Variants in GRIA4 observed in about 807,000 individuals in gnomAD.
GRIA4 encodes glutamate receptor 4.
A neutral mutation model predicts 104.0 loss-of-function variants in GRIA4; 34 were observed. The observed-to-expected ratio is 0.33, with a 90% CI of 0.25 to 0.44. GRIA4 has a LOEUF of 0.44. Ranked by LOEUF, GRIA4 falls within the 20% of genes least tolerant of loss-of-function variation. The pLI, the probability that GRIA4 is intolerant of heterozygous loss-of-function variation, is 1.00. For missense variants in GRIA4, 750 were observed against 1,096.5 expected (o/e 0.68, Z 4.46); for synonymous variants, 386 against 381.9 (o/e 1.01, Z -0.13).
intron 3 of GRIA4, among the ~76,000 whole-genome samples, chr11:105,714,196 T>C (rs1331909248): frequency 6.6e-6 from 1 of 152,072 alleles, no homozygotes; most frequent in African/African-American, 2.4e-5. Flanking sequence ...GACTGTTTAG[T>C]AATTTTTAAA....
rs114779299 is a variant in GRIA4, at chr11:105,738,800, G to A, written c.248-14181G>A. Among the ~76,000 whole-genome samples the A allele has an allele frequency of 5.6e-3, 850 of 151,482 alleles. 8 individuals carry two copies. Among genetic ancestry groups the A allele is most frequent in the African/African-American group, 0.013 (544 of 41,338 alleles). ...ACAAAATATAGATGATGAATCAAAC[G>A]TTTCCATTAAAGGATCACTTAAAGG... On this transcript the variant is annotated intron_variant, in intron 3 of 16. Coordinates refer to ENST00000282499, the MANE Select transcript of GRIA4 (RefSeq NM_000829.4).
At position 105,794,194 on chromosome 11, in the gene GRIA4, T is replaced by C. The variant is rs114220311; in HGVS notation, c.487+40974T>C. Among the ~76,000 whole-genome samples the C allele has an allele frequency of 3.3e-3, 504 of 151,908 alleles. 4 individuals carry two copies. Among genetic ancestry groups the C allele is most frequent in the African/African-American group, 0.011 (475 of 41,454 alleles). ...ATTAATTCCAAATTCCAATGGCCGATTAAAAACTATCTTATTCGGTGTTTG... is the reference window on the plus strand; with the variant it reads ...ATTAATTCCAAATTCCAATGGCCGACTAAAAACTATCTTATTCGGTGTTTG... On this transcript the variant is annotated intron_variant, in intron 4 of 16. Coordinates refer to ENST00000282499, the MANE Select transcript of GRIA4 (RefSeq NM_000829.4).
chr11:105,834,675 T>C (rs1944108408), intron 4 of GRIA4, among the ~76,000 whole-genome samples: 1 of 151,966 alleles, frequency 6.6e-6, no homozygotes, highest in South Asian at 2.1e-4. Flanking sequence ...TTAAAGAAGG[T>C]TTCAGATGTA....
At chr11:105,939,134 A>C (rs569103888) in intron 14 of GRIA4, among the ~76,000 whole-genome samples, 1 of 152,300 alleles carries the variant, frequency 6.6e-6, no homozygotes, top group Non-Finnish European at 1.5e-5. Flanking sequence ...ATTTGCCCTC[A>C]ATCTTTTGAC....
intron 14 of GRIA4, among the ~76,000 whole-genome samples, chr11:105,953,813 A>G (rs1484878991): frequency 6.6e-6 from 1 of 152,104 alleles, no homozygotes; most frequent in Non-Finnish European, 1.5e-5. Context: ...CTACAAACAA[A>G]TAAAAAAAAA....
intron 3 of GRIA4, among the ~76,000 whole-genome samples, chr11:105,675,848 C>T (rs1591544157): frequency 2.6e-5 from 4 of 151,760 alleles, no homozygotes; most frequent in Admixed American, 6.6e-5. Context: ...TATACTACTT[C>T]AGTTATTCAG....
intron 3 of GRIA4, among the ~76,000 whole-genome samples, chr11:105,660,722 C>T (rs1396492126): frequency 6.6e-6 from 1 of 151,142 alleles, no homozygotes; most frequent in African/African-American, 2.4e-5. Flanking sequence ...TGGGGGGAAT[C>T]GACTATTATG....
chr11:105,685,325 C>T (rs369931040), intron 3 of GRIA4, among the ~76,000 whole-genome samples: 2 of 152,148 alleles, frequency 1.3e-5, no homozygotes, highest in Admixed American at 6.5e-5. Flanking sequence ...ATTACCAGCC[C>T]GAGCTCTAAT....
chr11:105,769,836 A>G (rs1186585730), intron 4 of GRIA4, among the ~76,000 whole-genome samples: 1 of 152,092 alleles, frequency 6.6e-6, no homozygotes, highest in Admixed American at 6.6e-5. Flanking sequence ...CAATTACATG[A>G]GTCATCAAAA....
chr11:105,938,821 C>T (rs772170273), intron 14 of GRIA4, among the ~76,000 whole-genome samples: 9 of 151,998 alleles, frequency 5.9e-5, no homozygotes, highest in East Asian at 1.9e-4. Flanking sequence ...ACTAAGACAT[C>T]GCATGGTAAA....
chr11:105,707,376 CAA>C (rs1251606653), intron 3 of GRIA4: 1 of 152,132 alleles, frequency 6.6e-6, no homozygotes, highest in Non-Finnish European at 1.5e-5. Flanking sequence ...TTAAATACCA[CAA>C]TTCATAAAAA....
intron 13 of GRIA4, among the ~76,000 whole-genome samples, chr11:105,927,697 AT>A (rs986230181): frequency 2.0e-5 from 3 of 151,712 alleles, no homozygotes; most frequent in African/African-American, 7.3e-5. Context: ...ATGGGGATGA[AT>A]TTTTTTTATC....
chr11:105,631,867 A>G (rs1037476474), intron 3 of GRIA4, among the ~76,000 whole-genome samples: 11 of 152,170 alleles, frequency 7.2e-5, no homozygotes, highest in Non-Finnish European at 2.9e-5. Flanking sequence ...TAAAAATAAG[A>G]CTTAATAAAG....
chr11:105,670,982 C>T (rs77645881), intron 3 of GRIA4, among the ~76,000 whole-genome samples: 5 of 152,098 alleles, frequency 3.3e-5, no homozygotes, highest in Admixed American at 6.6e-5. Context: ...TTGTGGCCCA[C>T]TTCCTCCATC....
chr11:105,898,271 A>G lies in GRIA4; in HGVS notation c.729A>G (p.Gly243=). ...ATCTTTTGTATTAATTTTTATAGGG[A>G]TTCAAGGATATTTCTCTTGAGAGGT... The part of the protein sequence containing the change: ...KGYHYIIANL[G]FKDISLERFI... Residue 243 remains glycine (G), a splice_region_variant and synonymous_variant, in exon 7 of 17, where the codon GGA becomes GGG. Coordinates refer to ENST00000282499, the MANE Select transcript of GRIA4 (RefSeq NM_000829.4). The G allele has an allele frequency of 6.6e-7, 1 of 1,504,204 alleles. No individual in the cohort carries two copies. The allele number at this position is 1,504,204 out of a possible 1,614,324, so 93.2% of individuals were successfully genotyped here.
At chr11:105,671,015 C>T (rs1321351650) in intron 3 of GRIA4, among the ~76,000 whole-genome samples, 2 of 152,078 alleles carry the variant, frequency 1.3e-5, no homozygotes, top group Admixed American at 1.3e-4. Flanking sequence ...AACATTGCAT[C>T]TCTCTCTGCC....
chr11:105,671,463 G>A (rs2135438505), intron 3 of GRIA4, among the ~76,000 whole-genome samples: 1 of 151,734 alleles, frequency 6.6e-6, no homozygotes, highest in South Asian at 2.1e-4. Flanking sequence ...AATCACCTAG[G>A]GTCAGGAGTT....
At chr11:105,821,197 T>C (rs1292044935) in intron 4 of GRIA4, among the ~76,000 whole-genome samples, 1 of 152,124 alleles carries the variant, frequency 6.6e-6, no homozygotes, top group Admixed American at 6.6e-5. Flanking sequence ...CTTTAGAACA[T>C]GGTTTCAGAA....
intron 3 of GRIA4, among the ~76,000 whole-genome samples, chr11:105,668,951 T>G (rs905737316): frequency 6.6e-6 from 1 of 152,044 alleles, no homozygotes; most frequent in Non-Finnish European, 1.5e-5. Context: ...AACCTTCTGC[T>G]GGACATTGCC....
Sources: gnomAD v4.1 joint callset for allele counts (sites outside exome capture counted in the v4.1 genomes callset) on GRCh38, gnomAD v4.1.1 for gene constraint, MANE v1.5 for transcripts, NCBI Gene and HGNC (gene_info 2026-07-23, HGNC 2026-07-21) for gene names.